AKAP13: variants seen among roughly 807,000 people sequenced by gnomAD.
AKAP13 encodes the protein A-kinase anchoring protein 13, also known as A-kinase anchor protein 13.
AKAP13 carries 80 observed loss-of-function variants against 264.5 expected under a neutral mutation model. The ratio of observed to expected loss-of-function variants is 0.30; its 90% CI spans 0.25 to 0.36. The LOEUF (loss-of-function observed/expected upper bound fraction) is 0.36, where lower values mean the gene tolerates loss of function less well. Ranked by LOEUF, AKAP13 falls within the 10% of genes least tolerant of loss-of-function variation. The probability of loss-of-function intolerance (pLI) is 1.00; values close to 1 mark genes in which losing one functional copy is unlikely to be tolerated. For synonymous variants in AKAP13, 1,380 were observed against 1,250.2 expected, an observed-to-expected ratio of 1.10 and a Z score of -2.19; for missense variants, 3,712 against 3,435.2, an observed-to-expected ratio of 1.08 and a Z score of -2.01.
intron 17 of AKAP13, among the ~76,000 whole-genome samples, chr15:85,704,459 T>TA (rs1427066122): frequency 3.9e-5 from 6 of 152,032 alleles, no homozygotes; most frequent in South Asian, 4.1e-4. Context: ...TGGCATGGGT[T>TA]AAAAAAAAGA....
At chr15:85,553,735 C>T (rs962671683) in intron 5 of AKAP13, among the ~76,000 whole-genome samples, 1 of 152,190 alleles carries the variant, frequency 6.6e-6, no homozygotes, top group African/African-American at 2.4e-5. Context: ...ACTGTTAGGA[C>T]CCAGGTTGCA....
At chr15:85,652,186 T>A (rs1488390859) in intron 10 of AKAP13, among the ~76,000 whole-genome samples, 1 of 152,244 alleles carries the variant, frequency 6.6e-6, no homozygotes, top group Non-Finnish European at 1.5e-5. Context: ...TCTTTGTTTT[T>A]AAAATGTGTA....
chr15:85,690,890 A>G (rs76844700), intron 16 of AKAP13, among the ~76,000 whole-genome samples: 6,615 of 152,280 alleles, frequency 0.043, 183 homozygotes, highest in Non-Finnish European at 0.061. Context: ...CTAAGCTTCA[A>G]TCTCTTCAGA....
At position 85,740,313 on chromosome 15, in the gene AKAP13, G is replaced by T. The variant is rs947956791; in HGVS notation, c.7608+41G>T. The T allele has an allele frequency of 1.9e-6, 3 of 1,609,592 alleles. No homozygotes were observed. In the African/African-American group the frequency reaches 4.0e-5, roughly 22 times the overall value. ...TTCCATCCCTGCGTTTATTTGTCTA[G>T]AGAACAGCAGCTTGGGGCTGTTGTT... On this transcript the variant is annotated intron_variant, in intron 34 of 36. Coordinates refer to ENST00000394518, the MANE Select transcript of AKAP13 (RefSeq NM_007200.5).
At chr15:85,516,319 A>C (rs1371978751) in intron 2 of AKAP13, among the ~76,000 whole-genome samples, 1 of 152,248 alleles carries the variant, frequency 6.6e-6, no homozygotes, top group Middle Eastern at 3.2e-3. Flanking sequence ...CCATTATGGC[A>C]TAAGGAAGTT....
At chr15:85,684,720 A>T in intron 15 of AKAP13, 21 bp from the exon 16 acceptor site, 1 of 1,597,286 alleles carries the variant, frequency 6.3e-7, no homozygotes, top group South Asian at 1.1e-5. Context: ...AAAAAAAATC[A>T]ATCTTCTTGT....
At chr15:85,479,018 T>C (rs2075271746) in intron 1 of AKAP13, among the ~76,000 whole-genome samples, 1 of 152,226 alleles carries the variant, frequency 6.6e-6, no homozygotes. Context: ...AACTGCTCAA[T>C]TATTAATGTA....
At chr15:85,606,054 C>G (rs1380382521) in intron 8 of AKAP13, among the ~76,000 whole-genome samples, 1 of 129,382 alleles carries the variant, frequency 7.7e-6, no homozygotes, top group Admixed American at 7.6e-5. Flanking sequence ...AATAAAGGAG[C>G]TTCTGAATCT....
intron 4 of AKAP13, among the ~76,000 whole-genome samples, chr15:85,538,638 C>T (rs1158795211): frequency 4.0e-5 from 6 of 150,404 alleles, no homozygotes; most frequent in Non-Finnish European, 7.4e-5. Flanking sequence ...TACAGACGCC[C>T]GCCACCACGC....
chr15:85,441,767 G>GT (rs58189804), intron 1 of AKAP13, among the ~76,000 whole-genome samples: 41,226 of 150,080 alleles, frequency 0.27, 7,897 homozygotes, highest in African/African-American at 0.55. Context: ...TCTCTTAAAA[G>GT]TTTTTTTTTT....
chr15:85,645,793 TTGG>T lies in AKAP13; in HGVS notation c.4238-22_4238-20del, dbSNP rs554589415. 8.1e-3 allele frequency: 12,259 copies of T among 1,516,794 alleles called. 51 individuals are homozygous for T. Among genetic ancestry groups the T allele is most frequent in the Non-Finnish European group, 9.8e-3 (10,969 of 1,122,926 alleles). 94.0% of individuals were successfully genotyped at this position (1,516,794 alleles called of 1,614,324 possible). ...TTTTTTTGTTTTTTTTTTTTCAATA[TTGG>T]TGAATAAATTCTCTTTTTCAGAATG... On this transcript the variant is annotated intron_variant, in intron 9 of 36. Coordinates refer to ENST00000394518, the MANE Select transcript of AKAP13 (RefSeq NM_007200.5).
intron 19 of AKAP13, among the ~76,000 whole-genome samples, chr15:85,714,089 C>T (rs1159778063): frequency 2.0e-5 from 3 of 152,154 alleles, no homozygotes; most frequent in African/African-American, 7.2e-5. Context: ...TACTGTTGAC[C>T]AGAAGCCTTA....
intron 2 of AKAP13, among the ~76,000 whole-genome samples, chr15:85,509,069 A>G (rs2076333136): frequency 6.6e-6 from 1 of 152,176 alleles, no homozygotes; most frequent in Admixed American, 6.5e-5. Context: ...TATAAGCTCC[A>G]TGAGGGCAAA....
chr15:85,397,013 C>A (rs1306276998), intron 1 of AKAP13, among the ~76,000 whole-genome samples: 1 of 145,874 alleles, frequency 6.9e-6, no homozygotes, highest in Non-Finnish European at 1.5e-5. Flanking sequence ...TTTTGTTCCC[C>A]CCATTGAATT....
intron 1 of AKAP13, among the ~76,000 whole-genome samples, chr15:85,389,006 T>C (rs745729748): frequency 1.3e-5 from 2 of 152,216 alleles, no homozygotes; most frequent in African/African-American, 2.4e-5. Context: ...GTAGTTTTCA[T>C]TGAAGAATTG....
rs2079143175 is a variant in AKAP13, at chr15:85,581,602, A to G, written c.3534A>G (p.Gln1178=). The change falls in exon 7 of 37, where the codon CAA becomes CAG. Residue 1178 remains glutamine (Q), a synonymous_variant. Transcript: ENST00000394518. ...CCATGGGTGACGCTGAGGAAGCCCA[A>G]ATAGACGATGAAGCACATCCTGTCC... ...SCTMGDAEEA[Q]IDDEAHPVLL... The G allele has an allele frequency of 1.9e-6, 3 of 1,614,016 alleles. No homozygotes were observed. The highest frequency in any genetic ancestry group is 1.6e-4 in the Middle Eastern group (1 of 6,084).
chr15:85,422,857 G>A (rs1017435756), intron 1 of AKAP13, among the ~76,000 whole-genome samples: 11 of 152,188 alleles, frequency 7.2e-5, no homozygotes, highest in Non-Finnish European at 7.3e-5. Flanking sequence ...TTTGAATATA[G>A]TACAATATTA....
At chr15:85,622,432 C>T (rs761742732) in intron 8 of AKAP13, among the ~76,000 whole-genome samples, 1 of 152,108 alleles carries the variant, frequency 6.6e-6, no homozygotes, top group South Asian at 2.1e-4. Context: ...TGGATGGGAG[C>T]ACCTTGAGTG....
intron 19 of AKAP13, among the ~76,000 whole-genome samples, chr15:85,712,705 AG>A (rs1362637423): frequency 6.6e-6 from 1 of 152,090 alleles, no homozygotes; most frequent in African/African-American, 2.4e-5. Flanking sequence ...CACCACACCC[AG>A]CTAATTTTTG....
Sources: gnomAD v4.1 joint callset for allele counts (sites outside exome capture counted in the v4.1 genomes callset) on GRCh38, gnomAD v4.1.1 for gene constraint, MANE v1.5 for transcripts, NCBI Gene and HGNC (gene_info 2026-07-23, HGNC 2026-07-21) for gene names.